POLR3G: variants seen among roughly 807,000 people sequenced by gnomAD.
The protein encoded by POLR3G is DNA-directed RNA polymerase III subunit RPC7.
A neutral mutation model predicts 30.1 loss-of-function variants in POLR3G; 28 were observed. The observed-to-expected ratio is 0.93, with a 90% CI of 0.69 to 1.27. The LOEUF (loss-of-function observed/expected upper bound fraction) is 1.27, where lower values mean the gene tolerates loss of function less well. Ranked by LOEUF, POLR3G falls within the 50% of genes most tolerant of loss-of-function variation. The pLI is 0.00. For missense variants in POLR3G, 254 were observed against 264.6 expected (o/e 0.96, Z 0.28); for synonymous variants, 79 against 82.5 (o/e 0.96, Z 0.23).
intron 6 of POLR3G, among the ~76,000 whole-genome samples, chr5:90,506,113 C>T (rs1042544114): frequency 6.6e-6 from 1 of 151,996 alleles, no homozygotes; most frequent in African/African-American, 2.4e-5. Context: ...CCTGTAGTCC[C>T]AGCTACGCAG....
At position 90,480,148 on chromosome 5, in the gene POLR3G, A is replaced by G. The variant is rs1005250531; in HGVS notation, c.-44+5128A>G. Among the ~76,000 whole-genome samples, 3 of 152,314 alleles carry G rather than the reference A, an allele frequency of 2.0e-5. No individual in the cohort carries two copies. The South Asian group carries it at 6.2e-4, about 32-fold the overall frequency. Reference sequence around the variant, plus strand: ...AAATTGGGCCATATGAAGTAGAGAAACATTTGGAGCATGAGGAAATATAGA... The same window carrying G: ...AAATTGGGCCATATGAAGTAGAGAAGCATTTGGAGCATGAGGAAATATAGA... On this transcript the variant is annotated intron_variant, in intron 1 of 7. Transcript: ENST00000651687.
intron 5 of POLR3G, among the ~76,000 whole-genome samples, chr5:90,498,153 G>T (rs372784789): frequency 1.3e-5 from 2 of 151,990 alleles, no homozygotes; most frequent in African/African-American, 4.8e-5. Context: ...GTCCCCCCAT[G>T]TATGTGTGTG....
At position 90,479,405 on chromosome 5, in the gene POLR3G, G is replaced by A. The variant is rs371031453; in HGVS notation, c.-44+4385G>A. Among the ~76,000 whole-genome samples, 727 of 152,172 alleles carry A rather than the reference G, an allele frequency of 4.8e-3. 5 individuals are homozygous for A. The highest frequency in any genetic ancestry group is 0.017 in the African/African-American group (690 of 41,538). ...GGAGAATTGCTTGAACCCGGGAGGC[G>A]GAGGTTGCAGTGAGCCGAGATCGCA... On this transcript the variant is annotated intron_variant, in intron 1 of 7. Coordinates refer to ENST00000651687, the MANE Select transcript of POLR3G (RefSeq NM_006467.3).
chr5:90,507,752 A>G (rs568103876), intron 7 of POLR3G, among the ~76,000 whole-genome samples: 23 of 152,196 alleles, frequency 1.5e-4, no homozygotes, highest in Non-Finnish European at 3.4e-4. Context: ...AAGTCTAAAC[A>G]TTTAAAAATT....
intron 7 of POLR3G, 96 bp from the exon 8 acceptor site, chr5:90,511,957 T>C: frequency 1.2e-5 from 10 of 814,096 alleles, no homozygotes; most frequent in Non-Finnish European, 1.6e-5. Context: ...TGTTGTGTTT[T>C]TGAAGCAGAT....
chr5:90,490,561 C>G (rs1305352033), intron 3 of POLR3G: 1 of 401,360 alleles, frequency 2.5e-6, no homozygotes, highest in Non-Finnish European at 4.9e-6. Context: ...CCATGCCCGG[C>G]TAACTTTTAA....
intron 3 of POLR3G, among the ~76,000 whole-genome samples, chr5:90,494,690 G>C (rs1751899190): frequency 6.6e-6 from 1 of 151,900 alleles, no homozygotes; most frequent in Non-Finnish European, 1.5e-5. Context: ...ATCTTCTTTA[G>C]AGAATTGTCT....
In POLR3G at chr5:90,488,010, A is replaced by G; in HGVS notation, c.128A>G (p.Tyr43Cys). Residue 43 changes from tyrosine to cysteine, a missense_variant, in exon 3 of 8, where the codon TAT becomes TGT. Transcript: ENST00000651687. ...KPPPLFPDTD[Y>C]KPVPLKTGEG... ...TCTTAATTTAAACAGGATACAGATT[A>G]TAAACCAGTGCCACTGAAAACAGGA... The G allele has an allele frequency of 6.3e-7, 1 of 1,597,842 alleles. No individual in the cohort carries two copies. The highest frequency in any genetic ancestry group is 8.5e-7 in the Non-Finnish European group (1 of 1,174,278).
Position 90,512,040 on chromosome 5 carries a change from T to C in POLR3G, c.586-13T>C, listed in dbSNP as rs1408652969. 12 of 1,540,646 alleles carry C rather than the reference T, an allele frequency of 7.8e-6. No homozygotes were observed. In the East Asian group the frequency reaches 2.5e-4, roughly 32 times the overall value. ...ATTTTAACGTTTACAAAGGAATATA[T>C]CATTTCACTTAGGAAAATGACTACA... On this transcript the variant is annotated splice_polypyrimidine_tract_variant and intron_variant, in intron 7 of 7. Coordinates refer to ENST00000651687, the MANE Select transcript of POLR3G (RefSeq NM_006467.3).
intron 5 of POLR3G, 87 bp from the exon 6 acceptor site, chr5:90,501,818 CG>C (rs1752256795): frequency 6.8e-7 from 1 of 1,473,370 alleles, no homozygotes. Context: ...TGCAGTAGCA[CG>C]ATGCTGGACA....
chr5:90,497,629 A>G (rs774979626), intron 4 of POLR3G, 27 bp from the exon 5 acceptor site: 8 of 1,574,596 alleles, frequency 5.1e-6, no homozygotes, highest in Admixed American at 2.0e-5. Context: ...GGAAACTGCA[A>G]TTTTTTATTT....
At chr5:90,481,831 G>A (rs1004218437) in intron 1 of POLR3G, among the ~76,000 whole-genome samples, 2 of 151,964 alleles carry the variant, frequency 1.3e-5, no homozygotes, top group Non-Finnish European at 2.9e-5. Flanking sequence ...TGTTAAAATT[G>A]TAGATGCAAT....
At chr5:90,484,056 T>C (rs1390470533) in intron 1 of POLR3G, among the ~76,000 whole-genome samples, 1 of 152,226 alleles carries the variant, frequency 6.6e-6, no homozygotes, top group African/African-American at 2.4e-5. Flanking sequence ...TAACATTTGC[T>C]GTGTATTAGA....
At chr5:90,501,801 C>A in intron 5 of POLR3G, 105 bp from the exon 6 acceptor site, 1 of 1,266,042 alleles carries the variant, frequency 7.9e-7, no homozygotes, top group Non-Finnish European at 1.1e-6. Flanking sequence ...TATGTGACTG[C>A]CTAGGATGCA....
intron 3 of POLR3G, among the ~76,000 whole-genome samples, chr5:90,489,258 A>ATTTT (rs527243253): frequency 2.2e-5 from 3 of 138,276 alleles, no homozygotes; most frequent in Non-Finnish European, 3.1e-5. Context: ...AAAATACTTA[A>ATTTT]TTTTTTTTTT....
rs760518523 is a variant in POLR3G, at chr5:90,506,511, A to G, written c.439-17A>G. 3 of 1,608,660 alleles carry G rather than the reference A, an allele frequency of 1.9e-6. No homozygotes were observed. Among genetic ancestry groups the G allele is most frequent in the African/African-American group, 1.3e-5 (1 of 74,404 alleles). ...CTAGTGGTTTCCATACAAATTAATG[A>G]AACTCACTTATACCAGGAATTGGAA... On this transcript the variant is annotated splice_polypyrimidine_tract_variant and intron_variant, in intron 6 of 7. Coordinates refer to ENST00000651687, the MANE Select transcript of POLR3G (RefSeq NM_006467.3).
chr5:90,502,158 G>A (rs1332068311), intron 6 of POLR3G, 170 bp downstream of exon 6: 2 of 985,258 alleles, frequency 2.0e-6, no homozygotes, highest in Non-Finnish European at 2.4e-6. Flanking sequence ...TGCAGGCTGG[G>A]AGATATGGAG....
At chr5:90,475,766 C>T (rs1264786802) in intron 1 of POLR3G, among the ~76,000 whole-genome samples, 1 of 152,192 alleles carries the variant, frequency 6.6e-6, no homozygotes, top group Non-Finnish European at 1.5e-5. Flanking sequence ...GTCTGGAGTG[C>T]GGTGGCGCGA....
intron 5 of POLR3G, among the ~76,000 whole-genome samples, chr5:90,500,682 G>A (rs1478992661): frequency 3.9e-5 from 6 of 152,064 alleles, no homozygotes; most frequent in Admixed American, 2.6e-4. Flanking sequence ...ATGTTTGGGA[G>A]CTCTGAGCTC....
Sources: gnomAD v4.1 joint callset for allele counts (sites outside exome capture counted in the v4.1 genomes callset) on GRCh38, gnomAD v4.1.1 for gene constraint, MANE v1.5 for transcripts, NCBI Gene and HGNC (gene_info 2026-07-23, HGNC 2026-07-21) for gene names.